Variants in TENM2 observed in about 807,000 individuals in gnomAD.
TENM2 encodes teneurin-2.
A neutral mutation model predicts 245.2 loss-of-function variants in TENM2; 52 were observed. That is an observed-to-expected ratio of 0.21 (90% CI 0.17 to 0.27). The LOEUF (loss-of-function observed/expected upper bound fraction) is 0.27. Ranked by LOEUF, TENM2 falls within the 10% of genes least tolerant of loss-of-function variation. The probability of loss-of-function intolerance (pLI) is 1.00; values close to 1 mark genes in which losing one functional copy is unlikely to be tolerated. For missense variants in TENM2, 3,046 were observed against 3,666.8 expected (o/e 0.83, Z 4.37); for synonymous variants, 1,363 against 1,438.9 (o/e 0.95, Z 1.19).
intron 2 of TENM2, among the ~76,000 whole-genome samples, chr5:167,685,969 T>C (rs534864599): frequency 6.6e-6 from 1 of 152,306 alleles, no homozygotes; most frequent in South Asian, 2.1e-4. Flanking sequence ...CTAGTGGTGG[T>C]GTTACCTTGA....
chr5:167,710,608 G>A (rs928311372), intron 2 of TENM2, among the ~76,000 whole-genome samples: 22 of 152,192 alleles, frequency 1.4e-4, no homozygotes, highest in Non-Finnish European at 2.2e-4. Context: ...GAAAGGGTCA[G>A]CCCAGACTTG....
chr5:168,215,173 G>A (rs1763081894), exon 21 of TENM2: 1 of 1,613,780 alleles, frequency 6.2e-7, no homozygotes, highest in African/African-American at 1.3e-5. Context: ...TGGGAATTCG[G>A]AAGTTGTGGC....
upstream of TENM2, chr5:167,284,713 G>T: frequency 1.4e-6 from 1 of 697,730 alleles, no homozygotes. Flanking sequence ...CAGAACTGAA[G>T]GCAGCATTTC....
intron 1 of TENM2, among the ~76,000 whole-genome samples, chr5:167,346,878 A>G (rs1171844413): frequency 1.3e-5 from 2 of 152,058 alleles, no homozygotes; most frequent in Admixed American, 6.5e-5. Context: ...GGCTCAAGCA[A>G]TCCTTCCACT....
At chr5:167,043,976 C>T in the TENM2 span, among the ~76,000 whole-genome samples, 27 of 150,770 alleles carry the variant, frequency 1.8e-4, 1 homozygote, top group African/African-American at 3.2e-4. Context: ...GCCGAGATCG[C>T]GCCACTGCAC....
chr5:167,560,453 C>T (rs964651800), intron 2 of TENM2, among the ~76,000 whole-genome samples: 6 of 151,952 alleles, frequency 3.9e-5, no homozygotes, highest in Non-Finnish European at 5.9e-5. Flanking sequence ...TGCAGATATT[C>T]GGATTATAAC....
At chr5:167,626,652 T>C (rs1274007071) in intron 2 of TENM2, among the ~76,000 whole-genome samples, 3 of 152,212 alleles carry the variant, frequency 2.0e-5, no homozygotes, top group Admixed American at 6.5e-5. Context: ...GATTCTGATA[T>C]AGCCAGTTAG....
chr5:167,900,135 G>A (rs10064019), intron 3 of TENM2, among the ~76,000 whole-genome samples: 12,814 of 75,568 alleles, frequency 0.17, 1,296 homozygotes, highest in African/African-American at 0.29. Flanking sequence ...AAAAAAAAAG[G>A]GGGGGGGGGT....
At chr5:167,124,583 A>T in the TENM2 span, among the ~76,000 whole-genome samples, 1 of 152,124 alleles carries the variant, frequency 6.6e-6, no homozygotes, top group African/African-American at 2.4e-5. Context: ...CTTTCAATAC[A>T]CTATTCGCTC....
intron 2 of TENM2, among the ~76,000 whole-genome samples, chr5:167,390,837 C>T (rs542707888): frequency 7.2e-5 from 11 of 152,248 alleles, no homozygotes; most frequent in Admixed American, 1.3e-4. Context: ...CAAGGCACGT[C>T]GAGAAAGCAG....
chr5:167,991,189 T>C (rs181387434), intron 4 of TENM2, among the ~76,000 whole-genome samples: 1 of 152,206 alleles, frequency 6.6e-6, no homozygotes, highest in African/African-American at 2.4e-5. Flanking sequence ...ATAAACTAAG[T>C]AGCACCTACT....
intron 2 of TENM2, among the ~76,000 whole-genome samples, chr5:167,706,819 C>A (rs1413768992): frequency 2.0e-5 from 3 of 151,758 alleles, no homozygotes; most frequent in Non-Finnish European, 4.4e-5. Flanking sequence ...TCAAGACCAT[C>A]CTGGCTAACA....
At chr5:167,500,147 T>G (rs2127555596) in intron 2 of TENM2, among the ~76,000 whole-genome samples, 1 of 152,004 alleles carries the variant, frequency 6.6e-6, no homozygotes, top group South Asian at 2.1e-4. Context: ...TGTATGTGTG[T>G]GGGTATAGGA....
intron 1 of TENM2, among the ~76,000 whole-genome samples, chr5:167,357,206 GTTATAAC>G (rs1178793388): frequency 2.0e-5 from 3 of 151,938 alleles, no homozygotes; most frequent in Admixed American, 6.6e-5. Context: ...AGAATTTGTA[GTTATAAC>G]TTATACTTCA....
At chr5:167,357,650 T>G (rs1452405822) in intron 1 of TENM2, among the ~76,000 whole-genome samples, 1 of 152,180 alleles carries the variant, frequency 6.6e-6, no homozygotes, top group Non-Finnish European at 1.5e-5. Context: ...AATTTAATTA[T>G]TTTATGTGAA....
At chr5:167,816,288 A>G (rs939862860) in intron 2 of TENM2, among the ~76,000 whole-genome samples, 1 of 152,098 alleles carries the variant, frequency 6.6e-6, no homozygotes, top group Non-Finnish European at 1.5e-5. Flanking sequence ...TTCTTGGCCA[A>G]CCACAACTTA....
the TENM2 span, among the ~76,000 whole-genome samples, chr5:167,013,623 C>T: frequency 3.3e-5 from 5 of 152,094 alleles, no homozygotes; most frequent in Non-Finnish European, 5.9e-5. Flanking sequence ...AGGAGAATTG[C>T]TTGAACCCAG....
chr5:167,877,271 A>T (rs192480253), intron 3 of TENM2, among the ~76,000 whole-genome samples: 1 of 152,214 alleles, frequency 6.6e-6, no homozygotes, highest in African/African-American at 2.4e-5. Flanking sequence ...CTACAATTAG[A>T]GAGGACCTCC....
intron 2 of TENM2, among the ~76,000 whole-genome samples, chr5:167,758,313 A>G (rs566601334): frequency 1.3e-4 from 20 of 152,176 alleles, no homozygotes; most frequent in African/African-American, 2.2e-4. Context: ...CTTTCATTCC[A>G]TCAATATCTT....
Sources: gnomAD v4.1 joint callset for allele counts (sites outside exome capture counted in the v4.1 genomes callset) on GRCh38, gnomAD v4.1.1 for gene constraint, MANE v1.5 for transcripts, NCBI Gene and HGNC (gene_info 2026-07-23, HGNC 2026-07-21) for gene names.